The following PHF24 variants were observed in gnomAD, a reference collection of about 807,000 sequenced individuals.
PHF24 encodes Galpha inhibitory interacting protein.
Under a neutral mutation model 42.6 loss-of-function variants are expected in PHF24, and 25 were observed. The observed-to-expected ratio is 0.59, with a 90% CI of 0.43 to 0.82. The LOEUF is 0.82. PHF24 is among the 40% of genes least tolerant of loss of function. The probability of loss-of-function intolerance (pLI) is 0.00; values close to 1 mark genes in which losing one functional copy is unlikely to be tolerated. For missense variants in PHF24, 470 were observed against 538.1 expected (o/e 0.87, Z 1.25); for synonymous variants, 185 against 204.8 (o/e 0.90, Z 0.83).
At chr9:34,817,309 A>C in the PHF24 span, among the ~76,000 whole-genome samples, 1 of 152,090 alleles carries the variant, frequency 6.6e-6, no homozygotes, top group Non-Finnish European at 1.5e-5. Context: ...TAGTGGCACA[A>C]TCATAGCTCA....
At chr9:34,911,352 T>C in the PHF24 span, among the ~76,000 whole-genome samples, 1 of 152,088 alleles carries the variant, frequency 6.6e-6, no homozygotes, top group Non-Finnish European at 1.5e-5. Flanking sequence ...CCTCCTGGGT[T>C]CAAGCAATTC....
the PHF24 span, among the ~76,000 whole-genome samples, chr9:34,806,674 G>A: frequency 6.6e-6 from 1 of 152,134 alleles, no homozygotes; most frequent in Non-Finnish European, 1.5e-5. Context: ...GGCCAGGTTG[G>A]TCTTGAACTA....
chr9:34,742,778 A>C, the PHF24 span, among the ~76,000 whole-genome samples: 1 of 152,070 alleles, frequency 6.6e-6, no homozygotes, highest in African/African-American at 2.4e-5. Flanking sequence ...CACTTTATTT[A>C]TACAACTTTG....
At chr9:34,884,461 G>A in the PHF24 span, among the ~76,000 whole-genome samples, 63 of 152,092 alleles carry the variant, frequency 4.1e-4, no homozygotes, top group Non-Finnish European at 2.9e-5. Context: ...CATTATTAAC[G>A]TCTTTCCAGG....
chr9:34,969,921 G>C (rs955013318), intron 1 of PHF24, among the ~76,000 whole-genome samples: 1 of 152,098 alleles, frequency 6.6e-6, no homozygotes, highest in African/African-American at 2.4e-5. Context: ...CATCCTTCAA[G>C]GTCCACTTTG....
the PHF24 span, chr9:34,724,209 G>C: frequency 1.3e-6 from 2 of 1,551,468 alleles, no homozygotes; most frequent in Non-Finnish European, 1.7e-6. Flanking sequence ...GCCTCTACCT[G>C]AACACAAGGC....
chr9:34,709,421 C>T, the PHF24 span: 12 of 1,611,318 alleles, frequency 7.4e-6, no homozygotes, highest in South Asian at 1.2e-4. Flanking sequence ...TCTGTGACCG[C>T]TCAGTCCTGT....
the PHF24 span, among the ~76,000 whole-genome samples, chr9:34,727,166 G>C: frequency 6.6e-6 from 1 of 152,254 alleles, no homozygotes; most frequent in Non-Finnish European, 1.5e-5. Context: ...GGTGTGGTGG[G>C]CTGGGCTGAT....
chr9:34,732,025 A>AT, the PHF24 span, among the ~76,000 whole-genome samples: 1,920 of 134,476 alleles, frequency 0.014, 41 homozygotes, highest in African/African-American at 0.044. Flanking sequence ...TAATTTTTGG[A>AT]TTTTTTTTTT....
At chr9:34,768,785 A>G in the PHF24 span, among the ~76,000 whole-genome samples, 1 of 152,190 alleles carries the variant, frequency 6.6e-6, no homozygotes. Context: ...AATTGAAAGC[A>G]TTAAAAAATG....
chr9:34,958,228 GCC>G (rs1826448582), upstream of PHF24: 3 of 85,490 alleles, frequency 3.5e-5, no homozygotes, highest in Non-Finnish European at 8.8e-5. This position sits in a 1 kb window ranked among gnomAD's most constrained non-coding sequence, Gnocchi z 4.5. Context: ...GGCCGCGCGC[GCC>G]GCCGCCGCCG....
chr9:34,734,810 G>C, the PHF24 span, among the ~76,000 whole-genome samples: 1 of 152,158 alleles, frequency 6.6e-6, no homozygotes, highest in Non-Finnish European at 1.5e-5. Context: ...TCCCCACCCT[G>C]ACCAACCAGG....
At chr9:34,874,816 A>G in the PHF24 span, among the ~76,000 whole-genome samples, 7 of 152,026 alleles carry the variant, frequency 4.6e-5, no homozygotes, top group African/African-American at 1.7e-4. Flanking sequence ...ATTATTTTTT[A>G]AAATTTTTGT....
the PHF24 span, among the ~76,000 whole-genome samples, chr9:34,919,331 A>G: frequency 6.6e-6 from 1 of 152,202 alleles, no homozygotes; most frequent in Non-Finnish European, 1.5e-5. Context: ...TCTTCTAGAT[A>G]TTTTGAAATA....
chr9:34,976,348 C>T (rs1827184195), intron 4 of PHF24, 118 bp downstream of exon 4: 1 of 1,024,126 alleles, frequency 9.8e-7, no homozygotes. Flanking sequence ...GTAAATGAGT[C>T]CTTGTTCCTG....
chr9:34,972,913 G>GAAAAAA (rs141298768), intron 3 of PHF24, among the ~76,000 whole-genome samples: 1 of 78,780 alleles, frequency 1.3e-5, no homozygotes, highest in Non-Finnish European at 2.3e-5. Context: ...ACTCTGTCTC[G>GAAAAAA]AAAAAAAAAA....
the PHF24 span, chr9:34,917,433 A>T: frequency 3.9e-6 from 3 of 769,016 alleles, no homozygotes; most frequent in East Asian, 7.3e-5. Context: ...GCTATGTTTA[A>T]GGACCCTTTC....
the PHF24 span, among the ~76,000 whole-genome samples, chr9:34,805,579 T>G: frequency 6.6e-6 from 1 of 152,220 alleles, no homozygotes; most frequent in Non-Finnish European, 1.5e-5. Flanking sequence ...TACTGAGTTA[T>G]AAGAGTTCTT....
the PHF24 span, among the ~76,000 whole-genome samples, chr9:34,673,102 A>T: frequency 0.56 from 84,974 of 152,084 alleles, 24,130 homozygotes; most frequent in East Asian, 0.8. Flanking sequence ...ATGCCTGTAA[A>T]CCCAGCACTT....
Sources: allele counts gnomAD v4.1 joint callset (sites outside exome capture counted in the v4.1 genomes callset), GRCh38; gene constraint gnomAD v4.1.1; non-coding constraint Gnocchi (gnomAD v3.1); transcripts MANE v1.5; gene names NCBI Gene and HGNC (gene_info 2026-07-23, HGNC 2026-07-21).